The following SLC4A10 variants were observed in gnomAD, a reference collection of about 807,000 sequenced individuals.
SLC4A10 encodes sodium-driven chloride bicarbonate exchanger.
A neutral mutation model predicts 137.7 loss-of-function variants in SLC4A10; 42 were observed. That is an observed-to-expected ratio of 0.30 (90% CI 0.24 to 0.39). The LOEUF (loss-of-function observed/expected upper bound fraction) is 0.39, where lower values mean the gene tolerates loss of function less well. Ranked by LOEUF, SLC4A10 falls within the 10% of genes least tolerant of loss-of-function variation. SLC4A10 has a pLI of 1.00. For synonymous variants in SLC4A10, 474 were observed against 464.1 expected (o/e 1.02, Z -0.27); for missense variants, 925 against 1,355.0 (o/e 0.68, Z 4.98).
chr2:161,813,401 G>A (rs1271839245), intron 3 of SLC4A10, among the ~76,000 whole-genome samples: 1 of 152,112 alleles, frequency 6.6e-6, no homozygotes, highest in African/African-American at 2.4e-5. Flanking sequence ...GGCAGAGTAT[G>A]TAAAGAAAAG....
At chr2:161,686,018 C>T (rs1454748672) in intron 1 of SLC4A10, among the ~76,000 whole-genome samples, 2 of 152,016 alleles carry the variant, frequency 1.3e-5, no homozygotes. Context: ...AGGAGTTAGC[C>T]CCCAACAGGA....
intron 1 of SLC4A10, among the ~76,000 whole-genome samples, chr2:161,724,297 A>G (rs2045995951): frequency 1.3e-5 from 2 of 152,308 alleles, no homozygotes; most frequent in Middle Eastern, 6.8e-3. Flanking sequence ...AAGGCTCACC[A>G]TTACTTTCAA....
At position 161,942,695 on chromosome 2, in the gene SLC4A10, T is replaced by G. The variant is rs147968575; in HGVS notation, c.1998-97T>G. 334 of 858,816 alleles carry G rather than the reference T, an allele frequency of 3.9e-4. 2 individuals are homozygous for G. Among genetic ancestry groups the G allele is most frequent in the Middle Eastern group, 8.8e-4 (4 of 4,560 alleles). 53.2% of individuals were successfully genotyped at this position (858,816 alleles called of 1,614,324 possible). On this transcript the variant is annotated intron_variant, in intron 15 of 26. Coordinates refer to ENST00000446997, the MANE Select transcript of SLC4A10 (RefSeq NM_001178015.2). ...ACTACTTGTCTGTCAAATAGAGGAA[T>G]GCTGTGACTGGAGAAAATGGAGCCG...
intron 3 of SLC4A10, among the ~76,000 whole-genome samples, chr2:161,817,788 G>T (rs1170012496): frequency 6.6e-6 from 1 of 151,982 alleles, no homozygotes; most frequent in African/African-American, 2.4e-5. Context: ...TCAGATAGTT[G>T]TAGATATGCG....
At chr2:161,713,287 TA>T (rs1411587752) in intron 1 of SLC4A10, among the ~76,000 whole-genome samples, 1 of 151,146 alleles carries the variant, frequency 6.6e-6, no homozygotes, top group East Asian at 1.9e-4. Context: ...AAAAATAAAA[TA>T]AAAAAAACAA....
chr2:161,911,114 T>C (rs1389087444), intron 15 of SLC4A10, among the ~76,000 whole-genome samples: 1 of 151,976 alleles, frequency 6.6e-6, no homozygotes, highest in Non-Finnish European at 1.5e-5. Context: ...CATTAAGTGA[T>C]ACTTAATGTA....
At chr2:161,783,527 A>G (rs779585024) in intron 2 of SLC4A10, among the ~76,000 whole-genome samples, 1 of 152,072 alleles carries the variant, frequency 6.6e-6, no homozygotes, top group Non-Finnish European at 1.5e-5. Flanking sequence ...GTTAAAAGAC[A>G]AAGTAGCAAA....
intron 15 of SLC4A10, among the ~76,000 whole-genome samples, chr2:161,918,525 A>G (rs777134770): frequency 6.6e-6 from 1 of 152,218 alleles, no homozygotes; most frequent in Admixed American, 6.5e-5. Context: ...AATTAAAATA[A>G]TATTATGTGT....
intron 1 of SLC4A10, among the ~76,000 whole-genome samples, chr2:161,644,401 A>G (rs1476033510): frequency 1.3e-5 from 2 of 152,022 alleles, no homozygotes; most frequent in Non-Finnish European, 1.5e-5. Flanking sequence ...GAGGCTGAAG[A>G]GAGAGGATTG....
At chr2:161,625,529 GC>G (rs1232213165) in intron 1 of SLC4A10, among the ~76,000 whole-genome samples, 8 of 152,100 alleles carry the variant, frequency 5.3e-5, no homozygotes, top group African/African-American at 1.9e-4. Flanking sequence ...AGACGGAGGG[GC>G]TGTTTCTCAG....
intron 15 of SLC4A10, among the ~76,000 whole-genome samples, chr2:161,929,452 C>T (rs928907673): frequency 1.3e-5 from 2 of 152,184 alleles, no homozygotes; most frequent in Admixed American, 6.5e-5. Flanking sequence ...AGCTTAAACA[C>T]GTGTTGTAAT....
At chr2:161,663,754 T>G (rs528839014) in intron 1 of SLC4A10, among the ~76,000 whole-genome samples, 1 of 152,042 alleles carries the variant, frequency 6.6e-6, no homozygotes, top group Non-Finnish European at 1.5e-5. Flanking sequence ...TAAAATTTAT[T>G]TTATCTGCAC....
chr2:161,926,280 T>G (rs1265644881), intron 15 of SLC4A10, among the ~76,000 whole-genome samples: 4 of 149,038 alleles, frequency 2.7e-5, no homozygotes, highest in African/African-American at 9.7e-5. Flanking sequence ...CTCTTCTTGT[T>G]GAGTTGATCC....
rs920075159 is a variant in SLC4A10, at chr2:161,921,993, T to TA, written c.1997+16114dup. Among the ~76,000 whole-genome samples the TA allele has an allele frequency of 5.3e-5, 8 of 151,986 alleles. No individual in the cohort carries two copies. In the South Asian group the frequency reaches 6.2e-4, roughly 12 times the overall value. ...GCCTGCTATGGGCCAGGTGCTTGCT[T>TA]AAAAAAAATGAATGCATAGACAGGA... On this transcript the variant is annotated intron_variant, in intron 15 of 26. Transcript: ENST00000446997.
chr2:161,786,156 CTT>C, intron 2 of SLC4A10, among the ~76,000 whole-genome samples: 1 of 151,402 alleles, frequency 6.6e-6, no homozygotes, highest in Non-Finnish European at 1.5e-5. Context: ...GAATTGAACT[CTT>C]TGTCATTATA....
chr2:161,983,313 G>A lies in SLC4A10; in HGVS notation c.*161G>A, dbSNP rs1700477116. 7.1e-7 allele frequency: 1 copy of A among 1,400,040 alleles called. No homozygotes were observed. Among genetic ancestry groups the A allele is most frequent in the Non-Finnish European group, 9.7e-7 (1 of 1,028,886 alleles). The allele number at this position is 1,400,040 out of a possible 1,614,324, so 86.7% of individuals were successfully genotyped here. A position where few individuals can be genotyped will look rare whatever the true frequency, so the allele number is the denominator to read the frequency against. ...TCACAATTATTAATAAAACTGCTTT[G>A]ATCATGTATTGTAAATTCTGTCCCT... is the stretch of plus-strand genomic sequence containing the variant. On this transcript the variant is annotated 3_prime_UTR_variant, in exon 27 of 27. Coordinates refer to ENST00000446997, the MANE Select transcript of SLC4A10 (RefSeq NM_001178015.2).
intron 1 of SLC4A10, chr2:161,651,337 G>C (rs1009677068): frequency 6.6e-6 from 1 of 152,334 alleles, no homozygotes; most frequent in African/African-American, 2.4e-5. Context: ...GCTTGGTGAA[G>C]TTCCTCTCCA....
intron 3 of SLC4A10, among the ~76,000 whole-genome samples, chr2:161,818,124 C>A (rs1471589122): frequency 3.9e-5 from 6 of 152,010 alleles, no homozygotes; most frequent in African/African-American, 1.4e-4. Context: ...ATGGAATGTT[C>A]TTCCATTTGT....
chr2:161,632,590 A>G (rs558283567), intron 1 of SLC4A10, among the ~76,000 whole-genome samples: 17 of 151,722 alleles, frequency 1.1e-4, no homozygotes, highest in African/African-American at 3.9e-4. Flanking sequence ...CCTATAGTAA[A>G]TATAAAAATT....
Sources: gnomAD v4.1 joint callset for allele counts (sites outside exome capture counted in the v4.1 genomes callset) on GRCh38, gnomAD v4.1.1 for gene constraint, MANE v1.5 for transcripts, NCBI Gene and HGNC (gene_info 2026-07-23, HGNC 2026-07-21) for gene names.